The following NMNAT3 variants were observed in gnomAD, a reference collection of about 807,000 sequenced individuals.
NMNAT3 encodes the protein nicotinamide/nicotinic acid mononucleotide adenylyltransferase 3.
In NMNAT3, 21 loss-of-function variants were observed where a neutral mutation model predicts 24.8. That is an observed-to-expected ratio of 0.85 (90% CI 0.60 to 1.22). The LOEUF (loss-of-function observed/expected upper bound fraction) is 1.22, where lower values mean the gene tolerates loss of function less well. NMNAT3 is among the 50% of genes most tolerant of loss of function. NMNAT3 has a pLI of 0.00. For synonymous variants in NMNAT3, 136 were observed against 155.2 expected (o/e 0.88, Z 0.92); for missense variants, 387 against 436.6 (o/e 0.89, Z 1.01).
rs192226931 is a variant in NMNAT3, at chr3:139,646,830, G to A, written c.-140-8768C>T. Among the ~76,000 whole-genome samples the A allele has an allele frequency of 1.3e-4, 20 of 152,342 alleles. No homozygotes were observed. In the East Asian group the frequency reaches 3.5e-3, roughly 26 times the overall value. On this transcript the variant is annotated intron_variant, in intron 1 of 6. Transcript: ENST00000643695. ...AACCGTAATAGGCTTTTTGCAGGGA[G>A]GACTGAAGAGTTTGAAGCAGGAGAC...
chr3:139,653,984 TC>T (rs989425397), intron 1 of NMNAT3, among the ~76,000 whole-genome samples: 1 of 151,776 alleles, frequency 6.6e-6, no homozygotes, highest in Non-Finnish European at 1.5e-5. Flanking sequence ...GCGCTTCTGC[TC>T]CCCCCTCTTG....
chr3:139,629,639 C>CCTGG (rs1410598925), intron 2 of NMNAT3, among the ~76,000 whole-genome samples: 1 of 152,148 alleles, frequency 6.6e-6, no homozygotes, highest in Non-Finnish European at 1.5e-5. Flanking sequence ...GTCACAGGAA[C>CCTGG]CTGGGACCCT....
Position 139,661,006 on chromosome 3 carries a change from T to G in NMNAT3, c.-141+16699A>C, listed in dbSNP as rs116221359. Among the ~76,000 whole-genome samples the G allele has an allele frequency of 4.1e-3, 630 of 152,306 alleles. 5 individuals carry two copies. The highest frequency in any genetic ancestry group is 0.014 in the African/African-American group (585 of 41,564). ...ATTTCACAAAACACCATGGTCCTTTTTTTGTATCATAATACAGTAAAGGAA... is the reference window on the plus strand; with the variant it reads ...ATTTCACAAAACACCATGGTCCTTTGTTTGTATCATAATACAGTAAAGGAA... On this transcript the variant is annotated intron_variant, in intron 1 of 6. Transcript: ENST00000643695.
chr3:139,572,558 G>A (rs911656719), intron 6 of NMNAT3, among the ~76,000 whole-genome samples: 13 of 152,234 alleles, frequency 8.5e-5, no homozygotes, highest in East Asian at 5.8e-4. Flanking sequence ...TTAACAAGCC[G>A]CACAGGGGAT....
intron 6 of NMNAT3, among the ~76,000 whole-genome samples, chr3:139,563,603 C>T (rs1330938261): frequency 1.3e-5 from 2 of 152,146 alleles, no homozygotes; most frequent in Non-Finnish European, 2.9e-5. Flanking sequence ...CCCTGCCCCC[C>T]AAATCAAAGG....
chr3:139,581,965 T>TG (rs1020282550), intron 4 of NMNAT3, among the ~76,000 whole-genome samples: 4 of 144,974 alleles, frequency 2.8e-5, no homozygotes, highest in African/African-American at 1.0e-4. Context: ...GAGGCCGGGG[T>TG]GGGGGGATCA....
At chr3:139,620,985 T>C (rs772836969) in intron 3 of NMNAT3, among the ~76,000 whole-genome samples, 1 of 152,184 alleles carries the variant, frequency 6.6e-6, no homozygotes, top group Non-Finnish European at 1.5e-5. Context: ...TTTGTAGAGA[T>C]AGGATCTTGC....
intron 1 of NMNAT3, among the ~76,000 whole-genome samples, chr3:139,673,472 C>T (rs956931035): frequency 2.0e-5 from 3 of 152,252 alleles, no homozygotes; most frequent in Admixed American, 6.5e-5. Flanking sequence ...TATCATCCAG[C>T]GGTCTTCAAG....
intron 1 of NMNAT3, among the ~76,000 whole-genome samples, chr3:139,665,484 G>T (rs1229573129): frequency 6.6e-6 from 1 of 152,186 alleles, no homozygotes; most frequent in Non-Finnish European, 1.5e-5. Context: ...TCTGATGAAA[G>T]GAGACATGGT....
chr3:139,629,815 T>G (rs1576688444), intron 2 of NMNAT3, among the ~76,000 whole-genome samples: 1 of 152,188 alleles, frequency 6.6e-6, no homozygotes, highest in Non-Finnish European at 1.5e-5. Flanking sequence ...GCTATTTTGG[T>G]TTCCTCCAAC....
rs564445953 is a variant in NMNAT3, at chr3:139,585,641, T to C, written c.110-2433A>G. On this transcript the variant is annotated intron_variant, in intron 3 of 6. Transcript: ENST00000643695. Reference sequence around the variant, plus strand: ...GCTTTTGCCAGGCACCTAAAACTCATGAATAACCTGAAATCAAATTCCTGG... The same window carrying C: ...GCTTTTGCCAGGCACCTAAAACTCACGAATAACCTGAAATCAAATTCCTGG... Among the ~76,000 whole-genome samples, 5 of 152,354 alleles carry C rather than the reference T, an allele frequency of 3.3e-5. No homozygotes were observed. In the East Asian group the frequency reaches 9.6e-4, roughly 29 times the overall value.
chr3:139,676,575 A>T (rs138217973), intron 1 of NMNAT3, among the ~76,000 whole-genome samples: 6 of 152,188 alleles, frequency 3.9e-5, no homozygotes, highest in Non-Finnish European at 8.8e-5. Context: ...GTGGGTAAGA[A>T]CCCTTTCTCT....
intron 3 of NMNAT3, among the ~76,000 whole-genome samples, chr3:139,592,287 T>C (rs1363015809): frequency 6.6e-6 from 1 of 152,092 alleles, no homozygotes; most frequent in Non-Finnish European, 1.5e-5. Flanking sequence ...TAAAAAGAAA[T>C]GAGCAAAGTG....
intron 2 of NMNAT3, among the ~76,000 whole-genome samples, chr3:139,633,164 A>T (rs2056365883): frequency 6.8e-6 from 1 of 146,704 alleles, no homozygotes; most frequent in Non-Finnish European, 1.5e-5. Flanking sequence ...AAGGGAATAC[A>T]TTTGTGTTTT....
intron 3 of NMNAT3, among the ~76,000 whole-genome samples, chr3:139,592,849 C>T (rs924202337): frequency 1.3e-5 from 2 of 152,182 alleles, no homozygotes; most frequent in African/African-American, 4.8e-5. Flanking sequence ...CAACGGGTAC[C>T]AGCCACTGCA....
At chr3:139,589,336 G>C (rs1337501459) in intron 3 of NMNAT3, among the ~76,000 whole-genome samples, 3 of 152,214 alleles carry the variant, frequency 2.0e-5, no homozygotes, top group Non-Finnish European at 4.4e-5. Flanking sequence ...ATGGTCCTCT[G>C]AGAATCAACA....
intron 6 of NMNAT3, chr3:139,570,084 T>C (rs1166379064): frequency 6.6e-6 from 1 of 152,218 alleles, no homozygotes; most frequent in Admixed American, 6.5e-5. Context: ...TCATTTCATT[T>C]CATTCATTTC....
intron 1 of NMNAT3, among the ~76,000 whole-genome samples, chr3:139,669,476 C>CAAAAA (rs1491427335): frequency 2.9e-5 from 1 of 34,460 alleles, no homozygotes. Flanking sequence ...GACCCTGTCT[C>CAAAAA]AGAAAAAAAA....
At chr3:139,627,483 T>G in intron 3 of NMNAT3, 133 bp downstream of exon 4, 1 of 571,368 alleles carries the variant, frequency 1.8e-6, no homozygotes, top group South Asian at 2.4e-5. Flanking sequence ...TTGAATATGA[T>G]GAAAAAAATA....
Sources: allele counts gnomAD v4.1 joint callset (sites outside exome capture counted in the v4.1 genomes callset), GRCh38; gene constraint gnomAD v4.1.1; transcripts MANE v1.5; gene names NCBI Gene and HGNC (gene_info 2026-07-23, HGNC 2026-07-21).